The following FBLN1 variants were observed in gnomAD, a reference collection of about 807,000 sequenced individuals.
FBLN1 encodes the protein fibulin 1.
FBLN1 carries 34 observed loss-of-function variants against 89.7 expected under a neutral mutation model. The observed-to-expected ratio is 0.38, with a 90% CI of 0.29 to 0.50. FBLN1 has a LOEUF of 0.50. Among genes scored for constraint, FBLN1 ranks in the 20% least tolerant of loss-of-function variants. The probability of loss-of-function intolerance (pLI) is 0.92; values close to 1 mark genes in which losing one functional copy is unlikely to be tolerated. For synonymous variants in FBLN1, 393 were observed against 391.3 expected (o/e 1.00, Z -0.05); for missense variants, 777 against 988.1 (o/e 0.79, Z 2.86).
intron 1 of FBLN1, among the ~76,000 whole-genome samples, chr22:45,507,077 A>G (rs1460168782): frequency 1.3e-5 from 2 of 152,038 alleles, no homozygotes; most frequent in African/African-American, 2.4e-5. Context: ...CTTCCCTGGG[A>G]TAGGAGACCC....
chr22:45,535,095 C>T, intron 7 of FBLN1, 105 bp from the exon 8 acceptor site: 9 of 1,305,870 alleles, frequency 6.9e-6, no homozygotes, highest in South Asian at 1.2e-5. Flanking sequence ...GGGTTATAGT[C>T]TGAGTAATGC....
In FBLN1 at chr22:45,580,136, G is replaced by A. The variant is rs928018938; in HGVS notation, c.1972+3028G>A. ...GAGACTGTGCAACTGAAAAACTGCAGGGCCTGGGATGTTTTCCGACTTGTT... is the reference window on the plus strand; with the variant it reads ...GAGACTGTGCAACTGAAAAACTGCAAGGCCTGGGATGTTTTCCGACTTGTT... On this transcript the variant is annotated intron_variant, in intron 16 of 16. Transcript: ENST00000327858. The surrounding 1 kb of genome is among the most constrained non-coding windows in gnomAD (Gnocchi z 8.6). Among the ~76,000 whole-genome samples, 1 of 152,136 alleles carries A rather than the reference G, an allele frequency of 6.6e-6. No homozygotes were observed. The highest frequency in any genetic ancestry group is 2.4e-5 in the African/African-American group (1 of 41,430).
chr22:45,530,397 C>G lies in FBLN1; in HGVS notation c.485-868C>G, dbSNP rs1363355479. ...CCTTGCCCCAGACTATCCTCGCATG[C>G]TCCCTCCTCTGGGAGGGCTTCCTGT... On this transcript the variant is annotated intron_variant, in intron 4 of 16. Transcript: ENST00000327858. This position sits in a 1 kb window ranked among gnomAD's most constrained non-coding sequence, Gnocchi z 5.4. Among the ~76,000 whole-genome samples the G allele has an allele frequency of 6.6e-6, 1 of 152,084 alleles. No homozygotes were observed. Among genetic ancestry groups the G allele is most frequent in the Non-Finnish European group, 1.5e-5 (1 of 68,010 alleles).
At chr22:45,516,246 T>G in intron 1 of FBLN1, among the ~76,000 whole-genome samples, 20 of 126,304 alleles carry the variant, frequency 1.6e-4, no homozygotes, top group Admixed American at 3.3e-4. Flanking sequence ...GTGAAGGGAG[T>G]GTGGGGACAG....
chr22:45,541,458 T>A, intron 9 of FBLN1, 86 bp downstream of exon 9: 1 of 1,550,036 alleles, frequency 6.5e-7, no homozygotes, highest in Non-Finnish European at 8.8e-7. Context: ...AGAAAGTTGA[T>A]CCCCAAAGCA....
Position 45,523,460 on chromosome 22 carries a change from C to T in FBLN1, c.186-2083C>T, listed in dbSNP as rs113617049. On this transcript the variant is annotated intron_variant, in intron 2 of 16. Transcript: ENST00000327858. The stretch of plus-strand genomic sequence containing the variant: ...GCTCACGCCTATAATCCCACCACTT[C>T]GGGAGGCTGAGGCGGGCAGATCACT... Among the ~76,000 whole-genome samples, 280 of 152,274 alleles carry T rather than the reference C, an allele frequency of 1.8e-3. 1 individual carries two copies. The South Asian group carries it at 0.03, about 16-fold the overall frequency.
Position 45,574,447 on chromosome 22 carries a change from C to T in FBLN1, c.1698-64C>T, listed in dbSNP as rs963240982. On this transcript the variant is annotated intron_variant, in intron 14 of 16. Transcript: ENST00000327858. This position sits in a 1 kb window ranked among gnomAD's most constrained non-coding sequence, Gnocchi z 4.1. ...CCACCTGCTCCTCCTCCCTAGACCTCGGCCCCTGTGGGAGCTGCTGTCCCA... is the reference window on the plus strand; with the variant it reads ...CCACCTGCTCCTCCTCCCTAGACCTTGGCCCCTGTGGGAGCTGCTGTCCCA... 28 of 1,598,318 alleles carry T rather than the reference C, an allele frequency of 1.8e-5. No homozygotes were observed. The highest frequency in any genetic ancestry group is 4.5e-5 in the East Asian group (2 of 44,604).
intron 14 of FBLN1, among the ~76,000 whole-genome samples, chr22:45,560,001 A>C (rs1451840663): frequency 6.6e-6 from 1 of 152,188 alleles, no homozygotes; most frequent in Non-Finnish European, 1.5e-5. Flanking sequence ...TCTTTTGTCC[A>C]CTTGATCTAG....
chr22:45,503,144 A>C, intron 1 of FBLN1, 80 bp downstream of exon 1: 2 of 979,904 alleles, frequency 2.0e-6, no homozygotes, highest in Non-Finnish European at 2.5e-6. Context: ...TTTCGGAACC[A>C]CGGGGACTCG....
At chr22:45,519,725 A>G (rs1481687270) in intron 2 of FBLN1, among the ~76,000 whole-genome samples, 1 of 152,046 alleles carries the variant, frequency 6.6e-6, no homozygotes, top group Non-Finnish European at 1.5e-5. Context: ...TGGAGCACCT[A>G]CTTTCTGTGT....
chr22:45,584,307 G>A (rs761408709), intron 16 of FBLN1, among the ~76,000 whole-genome samples: 4 of 152,160 alleles, frequency 2.6e-5, no homozygotes, highest in Non-Finnish European at 5.9e-5. Context: ...ACGCGCTCCT[G>A]CAGCACTCTC....
In FBLN1 at chr22:45,579,546, G is replaced by T. The variant is rs573600574; in HGVS notation, c.1972+2438G>T. On this transcript the variant is annotated intron_variant, in intron 16 of 16. Coordinates refer to ENST00000327858, the MANE Select transcript of FBLN1 (RefSeq NM_006486.3). This position sits in a 1 kb window ranked among gnomAD's most constrained non-coding sequence, Gnocchi z 5.5. The stretch of plus-strand genomic sequence containing the variant: ...GGGGGAGGGCCCCAGCCTGGCCCTT[G>T]GAATTGTCGTGCCTGTAGCCCTGTG... 6.6e-6 allele frequency among the ~76,000 whole-genome samples: 1 copy of T among 152,338 alleles called. No individual in the cohort carries two copies. The highest frequency in any genetic ancestry group is 2.1e-4 in the South Asian group (1 of 4,830).
chr22:45,535,247 A>G lies in FBLN1; in HGVS notation c.832A>G (p.Ile278Val), dbSNP rs945288675. The G allele has an allele frequency of 6.2e-7, 1 of 1,613,946 alleles. No individual in the cohort carries two copies. The highest frequency in any genetic ancestry group is 1.3e-5 in the African/African-American group (1 of 74,874). The change falls in exon 8 of 17, where the codon ATC (isoleucine) becomes GTC (valine). Residue 278 changes from isoleucine (I) to valine (V), a missense_variant. Coordinates refer to ENST00000327858, the MANE Select transcript of FBLN1 (RefSeq NM_006486.3). The stretch of plus-strand genomic sequence containing the variant: ...TATTCATAACTGCCTCCCCGATTTT[A>G]TCTGTCAGAATACTCTGGGATCCTT... Reference protein sequence around the residue: ...SGIHNCLPDFICQNTLGSFRC... With the variant: ...SGIHNCLPDFVCQNTLGSFRC...
chr22:45,552,635 C>T (rs1042340832), intron 14 of FBLN1, among the ~76,000 whole-genome samples: 7 of 152,348 alleles, frequency 4.6e-5, no homozygotes, highest in South Asian at 2.1e-4. Flanking sequence ...TCAGCAAGAG[C>T]GCCTCCTTCG....
chr22:45,559,911 G>A (rs887539999), intron 14 of FBLN1, among the ~76,000 whole-genome samples: 1 of 152,190 alleles, frequency 6.6e-6, no homozygotes. Context: ...TTCATTCAAG[G>A]GGTTCTGGGT....
rs1364192013 is a variant in FBLN1 at position 45,574,438 on chromosome 22, C to T, written c.1698-73C>T. The T allele has an allele frequency of 1.3e-6, 2 of 1,579,222 alleles. No individual in the cohort carries two copies. The highest frequency in any genetic ancestry group is 1.7e-6 in the Non-Finnish European group (2 of 1,152,176). ...CTGCCCTGGCCACCTGCTCCTCCTC[C>T]CTAGACCTCGGCCCCTGTGGGAGCT... is the stretch of plus-strand genomic sequence containing the variant. On this transcript the variant is annotated intron_variant, in intron 14 of 16. Coordinates refer to ENST00000327858, the MANE Select transcript of FBLN1 (RefSeq NM_006486.3). This position sits in a 1 kb window ranked among gnomAD's most constrained non-coding sequence, Gnocchi z 4.1.
At chr22:45,569,717 T>C (rs2088934937) in intron 14 of FBLN1, among the ~76,000 whole-genome samples, 1 of 151,988 alleles carries the variant, frequency 6.6e-6, no homozygotes, top group Non-Finnish European at 1.5e-5. Context: ...GGGAAGACCA[T>C]GTGAGGAGGA....
intron 1 of FBLN1, among the ~76,000 whole-genome samples, chr22:45,506,754 G>A (rs1439642712): frequency 6.6e-6 from 1 of 152,180 alleles, no homozygotes; most frequent in Non-Finnish European, 1.5e-5. Context: ...CACCACTGGG[G>A]GAGACTGTGC....
chr22:45,531,314 C>A lies in FBLN1; in HGVS notation c.534C>A (p.Asp178Glu). 6.2e-7 allele frequency: 1 copy of A among 1,613,912 alleles called. No individual in the cohort carries two copies. Among genetic ancestry groups the A allele is most frequent in the Non-Finnish European group, 8.5e-7 (1 of 1,179,848 alleles). ...EEEQEDPYLN[D>E]RCRGGGPCKQ... is the part of the protein sequence containing the mutation. ...AACAAGAGGACCCATATCTGAATGA[C>A]CGCTGCCGAGGTGAGACTCGGGCGT... is the stretch of plus-strand genomic sequence containing the variant. Residue 178 changes from aspartate (D) to glutamate (E), a missense_variant, in exon 5 of 17, where the codon GAC becomes GAA. Physicochemically the swap from Asp to Glu is conservative, Grantham distance 45. Transcript: ENST00000327858. The surrounding 1 kb of genome is among the most constrained non-coding windows in gnomAD (Gnocchi z 4.9).
Sources: allele counts gnomAD v4.1 joint callset (sites outside exome capture counted in the v4.1 genomes callset), GRCh38; gene constraint gnomAD v4.1.1; non-coding constraint Gnocchi (gnomAD v3.1); transcripts MANE v1.5; gene names NCBI Gene and HGNC (gene_info 2026-07-23, HGNC 2026-07-21).